Variants in DNAAF5 observed in about 807,000 individuals in gnomAD.
The protein encoded by DNAAF5 is HEAT repeat containing 2.
In DNAAF5, 64 loss-of-function variants were observed where a neutral mutation model predicts 75.8. The ratio of observed to expected loss-of-function variants is 0.84; its 90% confidence interval spans 0.69 to 1.04. The LOEUF is 1.04. DNAAF5 is among the 50% of genes least tolerant of loss of function. DNAAF5 has a pLI of 0.00. For synonymous variants in DNAAF5, 657 were observed against 557.2 expected (o/e 1.18, Z -2.52); for missense variants, 1,269 against 1,178.5 (o/e 1.08, Z -1.12).
At chr7:751,575 T>C (rs1384861434) in intron 4 of DNAAF5, among the ~76,000 whole-genome samples, 2 of 145,758 alleles carry the variant, frequency 1.4e-5, no homozygotes, top group African/African-American at 5.1e-5. Flanking sequence ...TCTGAATTTT[T>C]TTTTTTTTTT....
At chr7:739,908 G>T (rs916424978) in intron 2 of DNAAF5, among the ~76,000 whole-genome samples, 1 of 152,164 alleles carries the variant, frequency 6.6e-6, no homozygotes, top group African/African-American at 2.4e-5. Context: ...CTGCACCTAC[G>T]ACTGGCTGTG....
At position 769,187 on chromosome 7, in the gene DNAAF5, T is replaced by A. The variant is rs190507097; in HGVS notation, c.1784-1284T>A. The A allele has an allele frequency of 4.9e-5, 38 of 774,226 alleles. 1 individual carries two copies. In the East Asian group the frequency reaches 5.9e-4, roughly 12 times the overall value. 48.0% of individuals were successfully genotyped at this position (774,226 alleles called of 1,614,324 possible). On this transcript the variant is annotated intron_variant, in intron 8 of 12. Coordinates refer to ENST00000297440, the MANE Select transcript of DNAAF5 (RefSeq NM_017802.4). ...CAGGGAGAAGGCTCACATCGCGAGG[T>A]CCCCAGCAACGGCTCAAGGTGACTC...
At chr7:742,821 C>A (rs77309181) in intron 4 of DNAAF5, among the ~76,000 whole-genome samples, 13 of 139,618 alleles carry the variant, frequency 9.3e-5, no homozygotes, top group East Asian at 6.5e-4. Flanking sequence ...TCACATGCCC[C>A]GCTCAAATCA....
At chr7:742,811 T>G (rs1781952776) in intron 4 of DNAAF5, among the ~76,000 whole-genome samples, 1 of 139,552 alleles carries the variant, frequency 7.2e-6, no homozygotes, top group African/African-American at 2.7e-5. Flanking sequence ...CCAGCTCAAA[T>G]CACATGCCCC....
chr7:732,865 C>T (rs1441964200), intron 2 of DNAAF5, among the ~76,000 whole-genome samples: 1 of 152,098 alleles, frequency 6.6e-6, no homozygotes, highest in Non-Finnish European at 1.5e-5. Flanking sequence ...CAGGCCATGT[C>T]CCAGAGAGTT....
chr7:730,041 T>C (rs1422492273), intron 2 of DNAAF5, among the ~76,000 whole-genome samples, 194 bp downstream of exon 2: 3 of 152,204 alleles, frequency 2.0e-5, no homozygotes, highest in Non-Finnish European at 4.4e-5. Context: ...TTTTAATGTT[T>C]GATGTTATGA....
intron 12 of DNAAF5, among the ~76,000 whole-genome samples, chr7:782,278 C>T (rs1041913399): frequency 2.0e-5 from 3 of 150,808 alleles, no homozygotes; most frequent in South Asian, 4.2e-4. Flanking sequence ...TCCCGACACG[C>T]GGCATCAGAA....
intron 2 of DNAAF5, chr7:732,574 C>G (rs1221954580): frequency 2.2e-6 from 1 of 456,012 alleles, no homozygotes; most frequent in South Asian, 1.5e-5. Flanking sequence ...GATGCATGGA[C>G]AGCTTTTCAG....
chr7:747,005 T>G (rs1782137497), intron 4 of DNAAF5, among the ~76,000 whole-genome samples: 1 of 152,224 alleles, frequency 6.6e-6, no homozygotes, highest in South Asian at 2.1e-4. Context: ...TCACGTTCCC[T>G]CCCGTGGATG....
chr7:728,336 G>T (rs1781436285), intron 1 of DNAAF5, among the ~76,000 whole-genome samples: 1 of 152,212 alleles, frequency 6.6e-6, no homozygotes, highest in Non-Finnish European at 1.5e-5. Context: ...AGCTCAGGCC[G>T]TCCCAGTGAT....
At position 785,785 on chromosome 7, in the gene DNAAF5, C is replaced by T. The variant is rs907255143; in HGVS notation, c.*132C>T. 9.1e-6 allele frequency: 9 copies of T among 989,846 alleles called. No homozygotes were observed. The highest frequency in any genetic ancestry group is 1.2e-5 in the Non-Finnish European group (8 of 690,298). The allele number at this position is 989,846 out of a possible 1,614,324, so 61.3% of individuals were successfully genotyped here. ...CAGCAAGAATGTACTCCTCAGGACA[C>T]CTGCCCACTCTTTCCCTGGAATAAC... is the stretch of plus-strand genomic sequence containing the variant. On this transcript the variant is annotated 3_prime_UTR_variant, in exon 13 of 13. Coordinates refer to ENST00000297440, the MANE Select transcript of DNAAF5 (RefSeq NM_017802.4).
At chr7:744,424 G>A (rs1296731943) in intron 4 of DNAAF5, among the ~76,000 whole-genome samples, 1 of 152,212 alleles carries the variant, frequency 6.6e-6, no homozygotes, top group Non-Finnish European at 1.5e-5. Context: ...CTTTATAGCA[G>A]CATGATTTAT....
chr7:742,399 G>A (rs1198650038), intron 4 of DNAAF5, among the ~76,000 whole-genome samples: 1 of 51,290 alleles, frequency 1.9e-5, no homozygotes, highest in Non-Finnish European at 4.9e-5. Context: ...CAGATGCCCA[G>A]CCCAAATCAA....
chr7:733,562 T>C (rs1781648614), intron 2 of DNAAF5, among the ~76,000 whole-genome samples: 1 of 152,154 alleles, frequency 6.6e-6, no homozygotes, highest in East Asian at 1.9e-4. Flanking sequence ...AGTGGTGCGA[T>C]CTCTGCTTAC....
At chr7:783,288 G>C (rs1166749842) in intron 12 of DNAAF5, among the ~76,000 whole-genome samples, 1 of 152,248 alleles carries the variant, frequency 6.6e-6, no homozygotes, top group Non-Finnish European at 1.5e-5. Context: ...CCCACTCGCG[G>C]GTGTAAGCCG....
chr7:775,246 C>G (rs1778722304), intron 11 of DNAAF5, 84 bp downstream of exon 11: 1 of 1,274,956 alleles, frequency 7.8e-7, no homozygotes, highest in African/African-American at 1.5e-5. Context: ...CATGGAGTCA[C>G]CCAAACTCAG....
intron 9 of DNAAF5, 147 bp from the exon 10 acceptor site, chr7:773,901 T>G: frequency 4.7e-6 from 4 of 856,204 alleles, no homozygotes; most frequent in Non-Finnish European, 7.6e-6. Context: ...GAGAAGCAGC[T>G]CCTGAGAGGA....
intron 12 of DNAAF5, among the ~76,000 whole-genome samples, chr7:781,260 A>G (rs1778930836): frequency 6.6e-6 from 1 of 152,144 alleles, no homozygotes; most frequent in Non-Finnish European, 1.5e-5. Context: ...AGTTCCCACA[A>G]ATGAGAATGT....
chr7:732,336 T>A lies in DNAAF5; in HGVS notation c.780+2489T>A, dbSNP rs528748130. On this transcript the variant is annotated intron_variant, in intron 2 of 12. Transcript: ENST00000297440. Reference sequence around the variant, plus strand: ...GGCAGGCAGGACGGACGTATGGCCGTGCAGTTGTGAAGCAGGCCTTGAACA... The same window carrying A: ...GGCAGGCAGGACGGACGTATGGCCGAGCAGTTGTGAAGCAGGCCTTGAACA... 1.1e-3 allele frequency among the ~76,000 whole-genome samples: 169 copies of A among 152,368 alleles called. 1 individual carries two copies. The highest frequency in any genetic ancestry group is 4.6e-3 in the South Asian group (22 of 4,834).
Sources: gnomAD v4.1 joint callset for allele counts (sites outside exome capture counted in the v4.1 genomes callset) on GRCh38, gnomAD v4.1.1 for gene constraint, MANE v1.5 for transcripts, NCBI Gene and HGNC (gene_info 2026-07-23, HGNC 2026-07-21) for gene names.